Variants in NDUFAF6 observed in about 807,000 individuals in gnomAD.
NDUFAF6 encodes NADH:ubiquinone oxidoreductase complex assembly factor 6, also known as NADH dehydrogenase (ubiquinone) complex I, assembly factor 6.
In NDUFAF6, 45 loss-of-function variants were observed where a neutral mutation model predicts 40.8. The observed-to-expected ratio is 1.10, with a 90% CI of 0.87 to 1.42. The LOEUF (loss-of-function observed/expected upper bound fraction) is 1.42. NDUFAF6 is among the 40% of genes most tolerant of loss of function. The pLI is 0.00. For missense variants in NDUFAF6, 435 were observed against 418.5 expected (o/e 1.04, Z -0.34); for synonymous variants, 185 against 155.9 (o/e 1.19, Z -1.39).
At chr8:95,027,579 C>CAAAA (rs1207611146) in intron 1 of NDUFAF6, among the ~76,000 whole-genome samples, 1 of 68,946 alleles carries the variant, frequency 1.5e-5, no homozygotes, top group Admixed American at 1.6e-4. Flanking sequence ...GACCCTGTCT[C>CAAAA]AAAAAAAAAA....
downstream of NDUFAF6, among the ~76,000 whole-genome samples, chr8:95,104,788 T>A (rs997994746): frequency 3.9e-5 from 6 of 152,160 alleles, no homozygotes; most frequent in Non-Finnish European, 7.3e-5. Context: ...AGGTAGATTG[T>A]TCCAGGCTGG....
chr8:94,904,417 CT>C (rs1427082093), intron 1 of NDUFAF6, among the ~76,000 whole-genome samples: 2 of 137,520 alleles, frequency 1.5e-5, no homozygotes, highest in Non-Finnish European at 3.0e-5. Flanking sequence ...ACCTCGTGAT[CT>C]GCCCGCCTCG....
At chr8:95,075,783 C>T (rs980321581) in exon 10 of NDUFAF6, 33 of 1,065,522 alleles carry the variant, frequency 3.1e-5, no homozygotes, top group Non-Finnish European at 4.1e-5. Flanking sequence ...TCTTGCTTAA[C>T]TAGCTCTAGG....
downstream of NDUFAF6, among the ~76,000 whole-genome samples, chr8:95,103,733 G>A (rs561823018): frequency 2.0e-4 from 30 of 152,254 alleles, no homozygotes; most frequent in African/African-American, 6.5e-4. Context: ...GAGCCAGTCC[G>A]GGCATGCATG....
chr8:95,097,022 A>G (rs2880033), upstream of NDUFAF6, among the ~76,000 whole-genome samples: 34,323 of 152,166 alleles, frequency 0.23, 4,872 homozygotes, highest in African/African-American at 0.4. Context: ...ATCCTACCCA[A>G]TGAGGCCTAA....
In NDUFAF6 at chr8:95,038,806, T is replaced by C. The variant is rs151210907; in HGVS notation, c.421-2764T>C. ...AATTCTCCTGCCTCAGCCTCCGGAG[T>C]AGCTGGGACTACAGGTGTGTGCCAC... is the stretch of plus-strand genomic sequence containing the variant. On this transcript the variant is annotated intron_variant, in intron 3 of 8. Transcript: ENST00000396124. Among the ~76,000 whole-genome samples the C allele has an allele frequency of 2.6e-3, 394 of 151,724 alleles. 3 individuals are homozygous for C. The highest frequency in any genetic ancestry group is 9.2e-3 in the African/African-American group (380 of 41,374).
intron 1 of NDUFAF6, chr8:94,939,948 T>G: frequency 1.2e-6 from 2 of 1,614,126 alleles, no homozygotes; most frequent in Non-Finnish European, 1.7e-6. Context: ...TAGACAGACA[T>G]GCTGGGATGT....
intron 1 of NDUFAF6, among the ~76,000 whole-genome samples, chr8:94,980,101 C>CA (rs545685491): frequency 3.4e-4 from 44 of 128,712 alleles, no homozygotes; most frequent in East Asian, 1.4e-3. Context: ...TGTCTCAAAG[C>CA]GAAAAAAAAA....
chr8:95,026,332 G>T (rs933638673), intron 1 of NDUFAF6, among the ~76,000 whole-genome samples: 8 of 152,174 alleles, frequency 5.3e-5, no homozygotes, highest in African/African-American at 1.9e-4. Flanking sequence ...GTTGGGCGTT[G>T]TGTCCCGCGC....
At chr8:95,030,409 G>A (rs996666792) in intron 1 of NDUFAF6, among the ~76,000 whole-genome samples, 12 of 151,776 alleles carry the variant, frequency 7.9e-5, no homozygotes, top group Non-Finnish European at 1.2e-4. Context: ...TATTTTTTAA[G>A]TTTTTTGTAA....
At chr8:95,061,742 A>C (rs1563847436), downstream of NDUFAF6, among the ~76,000 whole-genome samples, 1 of 152,202 alleles carries the variant, frequency 6.6e-6, no homozygotes, top group Non-Finnish European at 1.5e-5. Flanking sequence ...TTTGTTCAGC[A>C]AAAAGGAATA....
At chr8:95,003,533 A>G (rs1826828591) in intron 2 of NDUFAF6, among the ~76,000 whole-genome samples, 1 of 152,168 alleles carries the variant, frequency 6.6e-6, no homozygotes, top group Non-Finnish European at 1.5e-5. Context: ...CTAAAATGCT[A>G]TTTCAGGGCC....
chr8:95,115,358 T>C (rs1054210630), intron 4 of NDUFAF6, among the ~76,000 whole-genome samples: 1 of 152,186 alleles, frequency 6.6e-6, no homozygotes, highest in Admixed American at 6.6e-5. Context: ...CCACTTACTA[T>C]GCTATTTCTG....
At chr8:94,930,359 TA>T in intron 1 of NDUFAF6, 1 of 1,399,090 alleles carries the variant, frequency 7.1e-7, no homozygotes, top group South Asian at 1.4e-5. Context: ...AATACACTGA[TA>T]AAACTATGTG....
intron 8 of NDUFAF6, among the ~76,000 whole-genome samples, chr8:95,055,597 A>C (rs1415826810): frequency 6.6e-6 from 1 of 152,214 alleles, no homozygotes; most frequent in Non-Finnish European, 1.5e-5. Context: ...CAAGTTGATC[A>C]CAGTATATTA....
intron 1 of NDUFAF6, among the ~76,000 whole-genome samples, chr8:94,977,164 T>C (rs542418423): frequency 7.3e-6 from 1 of 136,512 alleles, no homozygotes; most frequent in African/African-American, 2.7e-5. Flanking sequence ...AAAAAAAAGG[T>C]TAAGATGGTA....
At chr8:95,046,036 A>ATTTTATTTTATTTTAT (rs1554676279) in intron 5 of NDUFAF6, among the ~76,000 whole-genome samples, 1,710 of 150,858 alleles carry the variant, frequency 0.011, 27 homozygotes, top group African/African-American at 0.039. Context: ...AAACACATTT[A>ATTTTATTTTATTTTAT]TTTTATTTTA....
At chr8:95,074,604 C>T (rs1269548240) in intron 9 of NDUFAF6, among the ~76,000 whole-genome samples, 1 of 152,170 alleles carries the variant, frequency 6.6e-6, no homozygotes, top group Non-Finnish European at 1.5e-5. Context: ...AGAGCATTTC[C>T]TCTGCCTCTG....
chr8:94,914,125 T>TTTTC (rs1818969358), intron 1 of NDUFAF6, among the ~76,000 whole-genome samples: 2 of 150,770 alleles, frequency 1.3e-5, no homozygotes, highest in African/African-American at 4.9e-5. Flanking sequence ...TTTTTTTTTT[T>TTTTC]TCAGTGGTTT....
Sources: gnomAD v4.1 joint callset for allele counts (sites outside exome capture counted in the v4.1 genomes callset) on GRCh38, gnomAD v4.1.1 for gene constraint, MANE v1.5 for transcripts, NCBI Gene and HGNC (gene_info 2026-07-23, HGNC 2026-07-21) for gene names.